The following MARCHF1 variants were observed in gnomAD, a reference collection of about 807,000 sequenced individuals.
MARCHF1 encodes the protein E3 ubiquitin-protein ligase MARCHF1.
MARCHF1 carries 40 observed loss-of-function variants against 54.2 expected under a neutral mutation model. The observed-to-expected ratio is 0.74, with a 90% CI of 0.57 to 0.96. The LOEUF (loss-of-function observed/expected upper bound fraction) is 0.96, where lower values mean the gene tolerates loss of function less well. Ranked by LOEUF, MARCHF1 falls within the 40% of genes least tolerant of loss-of-function variation. The pLI is 0.00. For synonymous variants in MARCHF1, 236 were observed against 236.3 expected (o/e 1.00, Z 0.01); for missense variants, 586 against 656.5 (o/e 0.89, Z 1.17).
At chr4:164,340,996 CTG>C in intron 1 of MARCHF1, among the ~76,000 whole-genome samples, 1 of 150,584 alleles carries the variant, frequency 6.6e-6, no homozygotes, top group Middle Eastern at 3.5e-3. Flanking sequence ...TACTGGCAAA[CTG>C]AATGCAACAG....
chr4:163,680,286 T>C (rs1274569120), intron 5 of MARCHF1, among the ~76,000 whole-genome samples: 2 of 152,236 alleles, frequency 1.3e-5, no homozygotes, highest in African/African-American at 4.8e-5. Context: ...TAATTTATTT[T>C]TTAAAACTAA....
intron 4 of MARCHF1, among the ~76,000 whole-genome samples, chr4:163,832,729 T>C (rs1749064258): frequency 7.3e-6 from 1 of 136,528 alleles, no homozygotes; most frequent in South Asian, 2.6e-4. Context: ...CCTAATGCTA[T>C]CCCTCCCCCC....
chr4:163,766,534 A>C (rs913508979), intron 4 of MARCHF1, among the ~76,000 whole-genome samples: 3 of 152,172 alleles, frequency 2.0e-5, no homozygotes, highest in Non-Finnish European at 4.4e-5. Flanking sequence ...ACTCTGTTCT[A>C]CTCTCTAGGC....
At chr4:164,324,823 A>G (rs1463361197) in intron 1 of MARCHF1, among the ~76,000 whole-genome samples, 2 of 151,500 alleles carry the variant, frequency 1.3e-5, no homozygotes, top group Non-Finnish European at 3.0e-5. Flanking sequence ...AGAAGTTGTA[A>G]TGAAAGGGAA....
chr4:163,582,684 G>T (rs529182735), intron 8 of MARCHF1, among the ~76,000 whole-genome samples: 2 of 152,064 alleles, frequency 1.3e-5, no homozygotes, highest in African/African-American at 2.4e-5. Flanking sequence ...GAATTACCAA[G>T]TTGAAGGCAA....
intron 9 of MARCHF1, among the ~76,000 whole-genome samples, chr4:163,534,712 G>A (rs780815470): frequency 5.9e-5 from 9 of 152,012 alleles, no homozygotes; most frequent in South Asian, 2.1e-4. Flanking sequence ...TCTGTTAGTC[G>A]TATACAAATG....
At chr4:163,981,455 C>T (rs1752761297) in intron 3 of MARCHF1, among the ~76,000 whole-genome samples, 1 of 152,156 alleles carries the variant, frequency 6.6e-6, no homozygotes, top group Admixed American at 6.6e-5. Context: ...ACCAGTTCTA[C>T]CCCCATGTCA....
At chr4:163,762,808 T>C (rs572253435) in intron 4 of MARCHF1, among the ~76,000 whole-genome samples, 2 of 152,214 alleles carry the variant, frequency 1.3e-5, no homozygotes, top group African/African-American at 2.4e-5. Context: ...TTATTATGAA[T>C]ATGATAATAG....
intron 2 of MARCHF1, among the ~76,000 whole-genome samples, chr4:164,089,160 A>AT (rs1755249976): frequency 6.6e-6 from 1 of 152,110 alleles, no homozygotes. Context: ...ATTAAAAAGT[A>AT]TTTTTCTCGA....
At position 164,147,649 on chromosome 4, in the gene MARCHF1, A is replaced by G. The variant is rs190864782; in HGVS notation, c.-322-35987T>C. Among the ~76,000 whole-genome samples the G allele has an allele frequency of 5.8e-3, 764 of 131,214 alleles. 6 individuals carry two copies. The highest frequency in any genetic ancestry group is 0.021 in the African/African-American group (729 of 35,320). 86.1% of individuals were successfully genotyped at this position (131,214 alleles called of 152,430 possible). A position where few individuals can be genotyped will look rare whatever the true frequency, so the allele number is the denominator to read the frequency against. Reference sequence around the variant, plus strand: ...AGAACACATGGACACAGGAAGGGGAACATCACACTCTGGGGCCTGTTATGG... The same window carrying G: ...AGAACACATGGACACAGGAAGGGGAGCATCACACTCTGGGGCCTGTTATGG... On this transcript the variant is annotated intron_variant, in intron 1 of 9. Transcript: ENST00000514618.
rs1738727494 is a variant in MARCHF1, at chr4:163,541,659, A to G, written c.1339+3937T>C. Among the ~76,000 whole-genome samples the G allele has an allele frequency of 2.0e-5, 3 of 152,202 alleles. No homozygotes were observed. In the South Asian group the frequency reaches 6.2e-4, roughly 32 times the overall value. On this transcript the variant is annotated intron_variant, in intron 9 of 9. Coordinates refer to ENST00000514618, the MANE Select transcript of MARCHF1 (RefSeq NM_001394959.1). ...TCTCCAGGATCATCATTACAGTTCA[A>G]AAGATTTTGCTGTTTTATATTCAAC...
chr4:163,665,584 C>G (rs933063144), intron 5 of MARCHF1, among the ~76,000 whole-genome samples: 1 of 152,046 alleles, frequency 6.6e-6, no homozygotes, highest in African/African-American at 2.4e-5. Context: ...ATTGATGGAG[C>G]GTGTATAGCA....
chr4:164,059,056 T>G (rs1263656369), intron 2 of MARCHF1, among the ~76,000 whole-genome samples: 1 of 152,208 alleles, frequency 6.6e-6, no homozygotes, highest in African/African-American at 2.4e-5. Context: ...ATAAGAATTC[T>G]TTGTTGATGT....
chr4:163,528,825 C>T lies in MARCHF1; in HGVS notation c.1561G>A (p.Val521Ile). ...NVNTDIKDAV[V>I]VPVPQTGANS... ...GCACCTGTTTGTGGTACAGGCACTA[C>T]CACAGCATCTTTGATGTCTGTGTTT... Residue 521 changes from valine (V) to isoleucine (I), a missense_variant, in exon 10 of 10, where the codon GTA (valine) becomes ATA (isoleucine). Val to Ile is a conservative substitution (Grantham distance 29). Around this residue, in one of 3 missense-constraint regions of MARCHF1, gnomAD observed 106 missense variants for 93.8 expected, o/e 1.13. Coordinates refer to ENST00000514618, the MANE Select transcript of MARCHF1 (RefSeq NM_001394959.1). The T allele has an allele frequency of 6.2e-7, 1 of 1,613,218 alleles. No homozygotes were observed. Among genetic ancestry groups the T allele is most frequent in the Non-Finnish European group, 8.5e-7 (1 of 1,179,450 alleles).
chr4:163,834,648 G>A (rs1011733638), intron 4 of MARCHF1, among the ~76,000 whole-genome samples: 6 of 132,366 alleles, frequency 4.5e-5, no homozygotes, highest in African/African-American at 1.7e-4. Flanking sequence ...TTCCCCTTAG[G>A]GACATGGATG....
At position 163,700,313 on chromosome 4, in the gene MARCHF1, T is replaced by C. The variant is rs115399338; in HGVS notation, c.162+500A>G. Among the ~76,000 whole-genome samples, 1,484 of 152,192 alleles carry C rather than the reference T, an allele frequency of 9.8e-3. 12 individuals are homozygous for C. Among genetic ancestry groups the C allele is most frequent in the South Asian group, 0.035 (169 of 4,814 alleles). On this transcript the variant is annotated intron_variant, in intron 5 of 9. Transcript: ENST00000514618. ...TGAGCTCAGGAGTTCTAGACTAGCC[T>C]GGTCAACATGGCGAAACCCCATCTC...
At chr4:164,068,186 G>A (rs112194632) in intron 2 of MARCHF1, among the ~76,000 whole-genome samples, 21 of 152,292 alleles carry the variant, frequency 1.4e-4, no homozygotes, top group African/African-American at 2.4e-4. Context: ...ACTTAAAACC[G>A]AGCTACCATT....
chr4:163,803,208 T>C (rs921761148), intron 4 of MARCHF1, among the ~76,000 whole-genome samples: 2 of 152,164 alleles, frequency 1.3e-5, no homozygotes, highest in Non-Finnish European at 2.9e-5. Flanking sequence ...AGTTTCACTC[T>C]TTTTGTCCAG....
chr4:164,075,938 G>A (rs1252749463), intron 2 of MARCHF1, among the ~76,000 whole-genome samples: 3 of 152,170 alleles, frequency 2.0e-5, no homozygotes, highest in South Asian at 2.1e-4. Context: ...GCCACTGACT[G>A]TCTATCATAT....
Sources: gnomAD v4.1 joint callset for allele counts (sites outside exome capture counted in the v4.1 genomes callset) on GRCh38, gnomAD v4.1.1 for gene constraint, gnomAD v4.1.1 regional missense constraint, MANE v1.5 for transcripts, NCBI Gene and HGNC (gene_info 2026-07-23, HGNC 2026-07-21) for gene names.